The following TCN2 variants were observed in gnomAD, a reference collection of about 807,000 sequenced individuals.
The protein encoded by TCN2 is transcobalamin 2.
In TCN2, 34 loss-of-function variants were observed where a neutral mutation model predicts 48.6. The observed-to-expected ratio is 0.70, with a 90% CI of 0.53 to 0.93. The LOEUF is 0.93. Ranked by LOEUF, TCN2 falls within the 40% of genes least tolerant of loss-of-function variation. TCN2 has a pLI of 0.00. For synonymous variants in TCN2, 283 were observed against 212.5 expected, an observed-to-expected ratio of 1.33 and a Z score of -2.89; for missense variants, 652 against 526.1, an observed-to-expected ratio of 1.24 and a Z score of -2.34.
chr22:30,613,657 T>G (rs772650428), intron 3 of TCN2, among the ~76,000 whole-genome samples: 14 of 152,182 alleles, frequency 9.2e-5, no homozygotes, highest in African/African-American at 2.9e-4. Context: ...AGCCTGCTTA[T>G]GACTTACGCC....
chr22:30,626,381 G>A lies in TCN2; in HGVS notation c.1223-79G>A, dbSNP rs1345036659. 11 of 1,474,372 alleles carry A rather than the reference G, an allele frequency of 7.5e-6. No homozygotes were observed. The South Asian group carries it at 1.1e-4, about 15-fold the overall frequency. 91.3% of individuals were successfully genotyped at this position (1,474,372 alleles called of 1,614,324 possible). On this transcript the variant is annotated intron_variant, in intron 8 of 8. Transcript: ENST00000215838. ...GATTCTTACAGACTCTAGCCTCAGGGTGGGGGGTCTGGAAGATGAGGTTGC... is the reference window on the plus strand; with the variant it reads ...GATTCTTACAGACTCTAGCCTCAGGATGGGGGGTCTGGAAGATGAGGTTGC...
rs753413757 is a variant in TCN2, at chr22:30,615,583, T to C, written c.754-18T>C. 1.8e-5 allele frequency: 29 copies of C among 1,613,910 alleles called. No homozygotes were observed. Among genetic ancestry groups the C allele is most frequent in the African/African-American group, 4.0e-5 (3 of 74,906 alleles). ...CTGCCGGCTGACTTCCTCTCTCTCTTCCTCACTCTATCACCAGTTCCTCAT... is the reference window on the plus strand; with the variant it reads ...CTGCCGGCTGACTTCCTCTCTCTCTCCCTCACTCTATCACCAGTTCCTCAT... On this transcript the variant is annotated intron_variant, in intron 5 of 8. Coordinates refer to ENST00000215838, the MANE Select transcript of TCN2 (RefSeq NM_000355.4).
rs1332574047 is a variant in TCN2 at position 30,626,803 on chromosome 22, G to T, written c.*282G>T. On this transcript the variant is annotated 3_prime_UTR_variant, in exon 9 of 9. Coordinates refer to ENST00000215838, the MANE Select transcript of TCN2 (RefSeq NM_000355.4). ...TGAAGGCCACCCCATGGTCTGATGG[G>T]CATGAAGCATCTCAGACTCCTTGGC... 3.6e-6 allele frequency: 2 copies of T among 551,708 alleles called. No individual in the cohort carries two copies. Among genetic ancestry groups the T allele is most frequent in the Non-Finnish European group, 6.5e-6 (2 of 305,458 alleles). 34.2% of individuals were successfully genotyped at this position (551,708 alleles called of 1,614,324 possible). A position where few individuals can be genotyped will look rare whatever the true frequency, so the allele number is the denominator to read the frequency against.
intron 7 of TCN2, among the ~76,000 whole-genome samples, 197 bp from the exon 8 acceptor site, chr22:30,622,771 C>T (rs2087717712): frequency 6.6e-6 from 1 of 152,160 alleles, no homozygotes; most frequent in African/African-American, 2.4e-5. Context: ...GAAGCCTGAG[C>T]AGGCAGGATC....
rs775736158 is a variant in TCN2, at chr22:30,617,415, G to T, written c.1026G>T (p.Pro342=). The stretch of plus-strand genomic sequence containing the variant: ...TGCAGGTGCTTAGTCTCTTGCCGCC[G>T]TACAGACAGTCCATCTCTGTTCTGG... The part of the protein sequence containing the change: ...VTLQVLSLLP[P]YRQSISVLAG... The change falls in exon 7 of 9, where the codon CCG becomes CCT. Residue 342 remains proline, a synonymous_variant. Coordinates refer to ENST00000215838, the MANE Select transcript of TCN2 (RefSeq NM_000355.4). 1 of 1,613,958 alleles carries T rather than the reference G, an allele frequency of 6.2e-7. No homozygotes were observed. Among genetic ancestry groups the T allele is most frequent in the Non-Finnish European group, 8.5e-7 (1 of 1,180,022 alleles).
intron 2 of TCN2, 118 bp from the exon 3 acceptor site, chr22:30,612,755 A>C (rs2087560064): frequency 1.6e-6 from 2 of 1,290,158 alleles, no homozygotes; most frequent in African/African-American, 1.5e-5. Flanking sequence ...TGGAGCTTTT[A>C]TCAAAGTTTC....
intron 1 of TCN2, among the ~76,000 whole-genome samples, chr22:30,608,975 C>G (rs781197511): frequency 3.9e-5 from 6 of 152,108 alleles, no homozygotes; most frequent in Non-Finnish European, 8.8e-5. Flanking sequence ...AGCCTCATTC[C>G]TTTATCTGTA....
rs201450172 is a variant in TCN2 at position 30,621,986 on chromosome 22, GTT to G, written c.1107-980_1107-979del. On this transcript the variant is annotated intron_variant, in intron 7 of 8. Transcript: ENST00000215838. ...AGGGATGAAGGACGTGGCCCACGGA[GTT>G]TGTTTTGTTTTGTTTTGAGATGGAG... is the stretch of plus-strand genomic sequence containing the variant. 4.6e-4 allele frequency among the ~76,000 whole-genome samples: 70 copies of G among 152,258 alleles called. No individual in the cohort carries two copies. The East Asian group carries it at 0.013, about 28-fold the overall frequency.
At chr22:30,620,081 C>T (rs1361465969) in intron 7 of TCN2, among the ~76,000 whole-genome samples, 1 of 152,016 alleles carries the variant, frequency 6.6e-6, no homozygotes, top group Non-Finnish European at 1.5e-5. Context: ...TGCTTGAGCC[C>T]AGGAGTTCAA....
chr22:30,624,672 ACCTGGG>A (rs2087777401), intron 8 of TCN2, among the ~76,000 whole-genome samples: 1 of 152,204 alleles, frequency 6.6e-6, no homozygotes, highest in Middle Eastern at 3.2e-3. Context: ...CAGGAAGCAG[ACCTGGG>A]CAGTTGTAGC....
intron 1 of TCN2, among the ~76,000 whole-genome samples, chr22:30,609,938 T>G (rs2087510344): frequency 6.6e-6 from 1 of 152,010 alleles, no homozygotes; most frequent in Non-Finnish European, 1.5e-5. Context: ...CTCGTTCTGG[T>G]CCCCTGGGAT....
intron 7 of TCN2, 143 bp from the exon 8 acceptor site, chr22:30,622,825 T>A (rs568986851): frequency 1.2e-6 from 1 of 802,784 alleles, no homozygotes; most frequent in Non-Finnish European, 2.1e-6. Flanking sequence ...ATCACAGACC[T>A]GTGGCCAGGT....
intron 6 of TCN2, 141 bp downstream of exon 6, chr22:30,615,928 T>G: frequency 1.0e-6 from 1 of 976,282 alleles, no homozygotes; most frequent in African/African-American, 1.6e-5. Flanking sequence ...GCAGCCAAAA[T>G]GTGGTCATAG....
chr22:30,610,835 C>T (rs1165848702), intron 1 of TCN2, 36 bp from the exon 2 acceptor site: 3 of 1,611,692 alleles, frequency 1.9e-6, no homozygotes, highest in Middle Eastern at 3.3e-4. Flanking sequence ...GGTGGCCTGG[C>T]CCTGTGACCT....
chr22:30,611,317 ACT>A (rs559509892), intron 2 of TCN2, among the ~76,000 whole-genome samples: 288 of 152,052 alleles, frequency 1.9e-3, no homozygotes, highest in African/African-American at 6.3e-3. Context: ...CCGTGACTAT[ACT>A]CTTTGATGAT....
chr22:30,623,945 C>CAT (rs1321160056), intron 8 of TCN2, among the ~76,000 whole-genome samples: 1 of 32,000 alleles, frequency 3.1e-5, no homozygotes, highest in Admixed American at 3.5e-4. Context: ...TATACACACA[C>CAT]ACATATGTAT....
chr22:30,614,383 C>A lies in TCN2; in HGVS notation c.462C>A (p.Tyr154Ter). The stretch of plus-strand genomic sequence containing the variant: ...ACAAGGGCCACCCCCACACTAGCTA[C>A]TACCAGTATGGCCTGGGCATTCTGG... ...HDHKGHPHTS[Y>*]YQYGLGILAL... The change falls in exon 4 of 9, where the codon TAC becomes TAA. Residue 154 changes from tyrosine (Y) to a stop codon, truncating the protein, a stop_gained. Transcript: ENST00000215838. LOFTEE classifies it high-confidence loss of function. 1.9e-6 allele frequency: 3 copies of A among 1,614,186 alleles called. No individual in the cohort carries two copies. Among genetic ancestry groups the A allele is most frequent in the Non-Finnish European group, 2.5e-6 (3 of 1,180,030 alleles).
At position 30,613,014 on chromosome 22, in the gene TCN2, GT is replaced by G. The variant is rs765479016; in HGVS notation, c.401del (p.Phe134SerfsTer73). 12 of 1,614,098 alleles carry G rather than the reference GT, an allele frequency of 7.4e-6. No homozygotes were observed. Among genetic ancestry groups the G allele is most frequent in the Non-Finnish European group, 9.3e-6 (11 of 1,180,004 alleles). ...ACAGGCTGGTCTCACAGCTCAAATG[GT>G]TCCTGGAGGATGAGAAGAGAGCCAT... ...GDRLVSQLKW[F>X]LEDEKRAIGH... On this transcript the variant is annotated frameshift_variant, in exon 3 of 9. Coordinates refer to ENST00000215838, the MANE Select transcript of TCN2 (RefSeq NM_000355.4). LOFTEE classifies it high-confidence loss of function.
chr22:30,608,160 C>T (rs2087481219), intron 1 of TCN2, among the ~76,000 whole-genome samples: 1 of 152,184 alleles, frequency 6.6e-6, no homozygotes, highest in South Asian at 2.1e-4. Context: ...CTTTGGGCCG[C>T]CCACGCGCCT....
Sources: allele counts gnomAD v4.1 joint callset (sites outside exome capture counted in the v4.1 genomes callset), GRCh38; gene constraint gnomAD v4.1.1; transcripts MANE v1.5; gene names NCBI Gene and HGNC (gene_info 2026-07-23, HGNC 2026-07-21).